Variants in ZNF804A observed in about 807,000 individuals in gnomAD.
ZNF804A encodes the protein zinc finger protein 804A.
ZNF804A carries 2 observed loss-of-function variants against 16.5 expected under a neutral mutation model. The ratio of observed to expected loss-of-function variants is 0.12; its 90% CI spans 0.05 to 0.38. The LOEUF is 0.38. Ranked by LOEUF, ZNF804A falls within the 10% of genes least tolerant of loss-of-function variation. The pLI is 0.99. For synonymous variants in ZNF804A, 534 were observed against 489.6 expected (o/e 1.09, Z -1.20); for missense variants, 1,473 against 1,390.7 (o/e 1.06, Z -0.94).
intron 1 of ZNF804A, among the ~76,000 whole-genome samples, chr2:184,843,616 A>T (rs1165099827): frequency 6.6e-6 from 1 of 151,752 alleles, no homozygotes; most frequent in African/African-American, 2.4e-5. Context: ...AAGTTACATA[A>T]CTCCCTTGTG....
intron 2 of ZNF804A, among the ~76,000 whole-genome samples, chr2:184,877,743 G>A (rs1684730926): frequency 6.6e-6 from 1 of 151,986 alleles, no homozygotes; most frequent in East Asian, 1.9e-4. Flanking sequence ...GGCCAAGGTT[G>A]GAAAAGAGAG....
chr2:184,702,529 T>C (rs1692936844), intron 1 of ZNF804A, among the ~76,000 whole-genome samples: 1 of 152,052 alleles, frequency 6.6e-6, no homozygotes, highest in Non-Finnish European at 1.5e-5. Context: ...CTAACTCCCT[T>C]CTTTACTTCT....
intron 1 of ZNF804A, 97 bp downstream of exon 1, chr2:184,599,167 A>AT: frequency 1.0e-6 from 1 of 995,648 alleles, no homozygotes. Context: ...TTGGTTTATA[A>AT]TTTACTCATT....
chr2:184,904,153 ACTT>A (rs1347771611), intron 2 of ZNF804A, among the ~76,000 whole-genome samples: 1 of 152,124 alleles, frequency 6.6e-6, no homozygotes, highest in African/African-American at 2.4e-5. Flanking sequence ...TTAGGAATAA[ACTT>A]AAACTAGGAG....
rs567809594 is a variant in ZNF804A, at chr2:184,660,914, C to T, written c.111+61844C>T. 3.9e-5 allele frequency among the ~76,000 whole-genome samples: 6 copies of T among 152,326 alleles called. No homozygotes were observed. The South Asian group carries it at 1.0e-3, about 26-fold the overall frequency. ...TTTCAGAACTATTGCTTTGGTAACT[C>T]TATTCTCATTAATATTGAGTATGTC... On this transcript the variant is annotated intron_variant, in intron 1 of 3. Transcript: ENST00000302277.
At chr2:184,704,311 CCTGA>C (rs1692984179) in intron 1 of ZNF804A, among the ~76,000 whole-genome samples, 1 of 152,016 alleles carries the variant, frequency 6.6e-6, no homozygotes, top group African/African-American at 2.4e-5. Flanking sequence ...CTCCAACATG[CCTGA>C]CTAATTTTGT....
intron 1 of ZNF804A, among the ~76,000 whole-genome samples, chr2:184,777,865 C>T (rs1694312562): frequency 6.6e-6 from 1 of 151,516 alleles, no homozygotes. Context: ...TGTTTACCAA[C>T]ACTATAGGAG....
chr2:184,850,061 C>T (rs572630748), intron 1 of ZNF804A, among the ~76,000 whole-genome samples: 54 of 151,650 alleles, frequency 3.6e-4, no homozygotes, highest in African/African-American at 1.3e-3. Context: ...TGGTTACCAG[C>T]AGCAGGGAAG....
intron 2 of ZNF804A, among the ~76,000 whole-genome samples, chr2:184,867,658 G>C (rs1000090720): frequency 2.0e-5 from 3 of 152,032 alleles, no homozygotes; most frequent in Non-Finnish European, 2.9e-5. Context: ...TAAGGGAAAG[G>C]TTTTGATGGA....
intron 1 of ZNF804A, among the ~76,000 whole-genome samples, chr2:184,727,586 A>G (rs1352619255): frequency 6.6e-6 from 1 of 151,618 alleles, no homozygotes; most frequent in African/African-American, 2.4e-5. Flanking sequence ...ATTTTTAACT[A>G]TTTTAGTACC....
chr2:184,838,561 A>G (rs1053066921), intron 1 of ZNF804A, among the ~76,000 whole-genome samples: 1 of 152,120 alleles, frequency 6.6e-6, no homozygotes, highest in Non-Finnish European at 1.5e-5. Flanking sequence ...TCAGATCAAC[A>G]TAGAGAATAA....
intron 2 of ZNF804A, among the ~76,000 whole-genome samples, chr2:184,911,898 T>C (rs953661774): frequency 2.0e-5 from 3 of 151,960 alleles, no homozygotes; most frequent in African/African-American, 7.2e-5. Context: ...AATTTTGTTT[T>C]ATGGTCTGAA....
intron 2 of ZNF804A, among the ~76,000 whole-genome samples, chr2:184,901,599 A>T (rs1053170666): frequency 2.6e-5 from 4 of 152,128 alleles, no homozygotes; most frequent in African/African-American, 9.7e-5. Context: ...CATTGCCATC[A>T]TTCTTGGTAA....
intron 1 of ZNF804A, among the ~76,000 whole-genome samples, chr2:184,768,675 A>C (rs924095988): frequency 3.5e-4 from 53 of 152,090 alleles, no homozygotes; most frequent in Non-Finnish European, 7.4e-4. Flanking sequence ...CCACTATTAT[A>C]GAAAATAGGG....
chr2:184,770,671 A>G (rs1178205882), intron 1 of ZNF804A, among the ~76,000 whole-genome samples: 2 of 152,094 alleles, frequency 1.3e-5, no homozygotes, highest in East Asian at 1.9e-4. Context: ...AAGTAAGATG[A>G]CATGAAAAAT....
chr2:184,765,752 C>T (rs978905821), intron 1 of ZNF804A, among the ~76,000 whole-genome samples: 17 of 151,970 alleles, frequency 1.1e-4, no homozygotes, highest in African/African-American at 2.9e-4. Context: ...GTTTTGTATA[C>T]GGCTCGTCCT....
chr2:184,850,843 G>A (rs1376728552), intron 1 of ZNF804A, among the ~76,000 whole-genome samples: 1 of 151,628 alleles, frequency 6.6e-6, no homozygotes, highest in Non-Finnish European at 1.5e-5. Context: ...TTATTTAAAT[G>A]GGATATTTCT....
intron 1 of ZNF804A, among the ~76,000 whole-genome samples, chr2:184,800,230 T>A (rs1400406624): frequency 1.3e-5 from 2 of 152,014 alleles, no homozygotes; most frequent in African/African-American, 4.8e-5. Context: ...TAAAACTAGA[T>A]TTTCATGTTC....
intron 1 of ZNF804A, among the ~76,000 whole-genome samples, chr2:184,616,767 T>C (rs562112432): frequency 1.3e-5 from 2 of 152,260 alleles, no homozygotes; most frequent in African/African-American, 4.8e-5. Context: ...TGGTCATAAA[T>C]ATCACCTGAA....
Sources: gnomAD v4.1 joint callset for allele counts (sites outside exome capture counted in the v4.1 genomes callset) on GRCh38, gnomAD v4.1.1 for gene constraint, MANE v1.5 for transcripts, NCBI Gene and HGNC (gene_info 2026-07-23, HGNC 2026-07-21) for gene names.